The following ZBTB16 variants were observed in gnomAD, a reference collection of about 807,000 sequenced individuals.
The protein encoded by ZBTB16 is zinc finger and BTB domain containing 16.
A neutral mutation model predicts 56.8 loss-of-function variants in ZBTB16; 8 were observed. The ratio of observed to expected loss-of-function variants is 0.14; its 90% CI spans 0.08 to 0.25. ZBTB16 has a LOEUF of 0.25. ZBTB16 is among the 10% of genes least tolerant of loss of function. ZBTB16 has a pLI of 1.00. For synonymous variants in ZBTB16, 363 were observed against 368.5 expected (o/e 0.98, Z 0.17); for missense variants, 625 against 903.0 (o/e 0.69, Z 3.95).
chr11:114,237,819 C>CT (rs1199741669), intron 4 of ZBTB16, among the ~76,000 whole-genome samples: 1 of 152,174 alleles, frequency 6.6e-6, no homozygotes, highest in East Asian at 1.9e-4. Context: ...ATCTCCCCCA[C>CT]TTTTCCATTT....
At chr11:114,246,913 T>A (rs551332265) in intron 5 of ZBTB16, 123 of 481,004 alleles carry the variant, frequency 2.6e-4, no homozygotes, top group South Asian at 2.5e-3. Context: ...ACAAGGGGGC[T>A]TGCTTTCTGG....
At position 114,186,938 on chromosome 11, in the gene ZBTB16, C is replaced by T. The variant is rs748661885; in HGVS notation, c.1367-14C>T. 5 of 1,613,838 alleles carry T rather than the reference C, an allele frequency of 3.1e-6. No homozygotes were observed. The highest frequency in any genetic ancestry group is 3.3e-5 in the Admixed American group (2 of 60,022). ...ACTATTGCTCTAGTGGTAACTGCCTCTCCTTTCTTTCAGCGGGTGCCAAAG... is the reference window on the plus strand; with the variant it reads ...ACTATTGCTCTAGTGGTAACTGCCTTTCCTTTCTTTCAGCGGGTGCCAAAG... On this transcript the variant is annotated splice_polypyrimidine_tract_variant and intron_variant, in intron 3 of 6. Transcript: ENST00000335953.
chr11:114,145,646 G>A (rs997717678), intron 2 of ZBTB16, among the ~76,000 whole-genome samples: 5 of 152,196 alleles, frequency 3.3e-5, no homozygotes, highest in African/African-American at 1.2e-4. Context: ...GTTGAGGGGA[G>A]GAATGGAGAG....
At position 114,225,496 on chromosome 11, in the gene ZBTB16, C is replaced by T. The variant is rs185648381; in HGVS notation, c.1454-16671C>T. 3.5e-3 allele frequency among the ~76,000 whole-genome samples: 535 copies of T among 152,218 alleles called. 7 individuals carry two copies. The highest frequency in any genetic ancestry group is 0.012 in the African/African-American group (515 of 41,512). ...TCAGGGTGCCAGCGTCTTACAAGGG[C>T]CTTCTTGCTGCACCACTCCATGGTG... On this transcript the variant is annotated intron_variant, in intron 4 of 6. Transcript: ENST00000335953.
intron 4 of ZBTB16, among the ~76,000 whole-genome samples, chr11:114,197,892 T>A (rs954708975): frequency 1.3e-5 from 2 of 150,474 alleles, no homozygotes; most frequent in Non-Finnish European, 3.0e-5. Flanking sequence ...CACCAAGGAG[T>A]CCTGTAATGA....
intron 4 of ZBTB16, among the ~76,000 whole-genome samples, chr11:114,203,294 T>C (rs1943776905): frequency 6.6e-6 from 1 of 152,196 alleles, no homozygotes; most frequent in Non-Finnish European, 1.5e-5. Context: ...TGCCACAGGC[T>C]TGGGGAAAAT....
chr11:114,199,632 A>G (rs1943689215), intron 4 of ZBTB16, among the ~76,000 whole-genome samples: 1 of 152,246 alleles, frequency 6.6e-6, no homozygotes, highest in Admixed American at 6.5e-5. Flanking sequence ...CATATGGGAC[A>G]AATGGCTTCG....
chr11:114,139,627 G>GTGTGTGTGTGTC lies in ZBTB16; in HGVS notation c.1269-16699_1269-16698insCTGTGTGTGTGT, dbSNP rs1491583020. 4.2e-4 allele frequency among the ~76,000 whole-genome samples: 12 copies of GTGTGTGTGTGTC among 28,906 alleles called. 1 individual carries two copies. The African/African-American group carries it at 7.9e-3, about 19-fold the overall frequency. 19.0% of individuals were successfully genotyped at this position (28,906 alleles called of 152,430 possible). A position where few individuals can be genotyped will look rare whatever the true frequency, so the allele number is the denominator to read the frequency against. On this transcript the variant is annotated intron_variant, in intron 2 of 6. Transcript: ENST00000335953. ...GTGTGGGTATGTGCCCGCGGTCCAC[G>GTGTGTGTGTGTC]TGTGTGTGTGTGTGTGTGTGTGTGT...
intron 2 of ZBTB16, among the ~76,000 whole-genome samples, chr11:114,094,860 A>T (rs1010519825): frequency 6.6e-6 from 1 of 152,198 alleles, no homozygotes; most frequent in African/African-American, 2.4e-5. Context: ...ATCAGTTCCA[A>T]GTTTCCAAAG....
chr11:114,153,589 C>T (rs2134947888), intron 2 of ZBTB16, among the ~76,000 whole-genome samples: 1 of 152,294 alleles, frequency 6.6e-6, no homozygotes, highest in Non-Finnish European at 1.5e-5. Flanking sequence ...GGAGGAAACT[C>T]AGGCCACTTG....
In ZBTB16 at chr11:114,155,176, C is replaced by T. The variant is rs555260532; in HGVS notation, c.1269-1161C>T. Among the ~76,000 whole-genome samples, 5 of 152,374 alleles carry T rather than the reference C, an allele frequency of 3.3e-5. No individual in the cohort carries two copies. The South Asian group carries it at 1.0e-3, about 32-fold the overall frequency. ...GGCCTTGTTTTCCCTTCTGCCTGCC[C>T]CACCGCCCACAGATCCGGCTTCTGG... On this transcript the variant is annotated intron_variant, in intron 2 of 6. Coordinates refer to ENST00000335953, the MANE Select transcript of ZBTB16 (RefSeq NM_006006.6).
intron 2 of ZBTB16, among the ~76,000 whole-genome samples, chr11:114,139,116 G>A (rs1941877730): frequency 6.6e-6 from 1 of 152,212 alleles, no homozygotes; most frequent in Admixed American, 6.5e-5. Flanking sequence ...GTGATTTTGT[G>A]AGGATTTGTA....
intron 2 of ZBTB16, among the ~76,000 whole-genome samples, chr11:114,148,424 C>CTCTCTCTGTCTGTCTGTCT (rs1565651805): frequency 2.0e-4 from 5 of 24,432 alleles, no homozygotes; most frequent in South Asian, 1.8e-3. Flanking sequence ...TCCCTCCCTC[C>CTCTCTCTGTCTGTCTGTCT]CTCTCTCTCT....
chr11:114,209,036 G>T (rs1330270691), intron 4 of ZBTB16, among the ~76,000 whole-genome samples: 2 of 152,172 alleles, frequency 1.3e-5, no homozygotes, highest in South Asian at 2.1e-4. Context: ...CATTCAATGG[G>T]ATTTGAGAAC....
rs180775106 is a variant in ZBTB16, at chr11:114,185,603, C to T, written c.1367-1349C>T. 3.0e-3 allele frequency among the ~76,000 whole-genome samples: 450 copies of T among 152,246 alleles called. 1 individual carries two copies. Among genetic ancestry groups the T allele is most frequent in the Non-Finnish European group, 4.3e-3 (293 of 68,008 alleles). ...GAACCTGCATCTGTTGAGTAGATTG[C>T]GGGTGGCTGGTGGTGTGGAAACCAC... On this transcript the variant is annotated intron_variant, in intron 3 of 6. Transcript: ENST00000335953.
In ZBTB16 at chr11:114,227,063, CCACCACCAT is replaced by C. The variant is rs565080628; in HGVS notation, c.1454-15095_1454-15087del. 1.1e-4 allele frequency among the ~76,000 whole-genome samples: 17 copies of C among 152,342 alleles called. No individual in the cohort carries two copies. The South Asian group carries it at 2.9e-3, about 26-fold the overall frequency. On this transcript the variant is annotated intron_variant, in intron 4 of 6. Coordinates refer to ENST00000335953, the MANE Select transcript of ZBTB16 (RefSeq NM_006006.6). ...AGCCTATAAATTTACTGTCCCCTGT[CCACCACCAT>C]CACCACCAGCCTGTTGTGGCAGGGA...
At chr11:114,082,116 C>CAAA (rs55670871) in intron 2 of ZBTB16, among the ~76,000 whole-genome samples, 3 of 138,566 alleles carry the variant, frequency 2.2e-5, no homozygotes, top group African/African-American at 5.5e-5. Context: ...ACGATCTTTA[C>CAAA]AAAAAAAAAA....
intron 2 of ZBTB16, among the ~76,000 whole-genome samples, chr11:114,139,182 A>G (rs1282144061): frequency 6.6e-6 from 1 of 152,222 alleles, no homozygotes; most frequent in Non-Finnish European, 1.5e-5. Context: ...TTGCTGGAGC[A>G]TGGAGACCAC....
At chr11:114,204,476 T>A (rs993442689) in intron 4 of ZBTB16, among the ~76,000 whole-genome samples, 1 of 152,176 alleles carries the variant, frequency 6.6e-6, no homozygotes, top group African/African-American at 2.4e-5. Context: ...GCTATGATAT[T>A]CAGTGCATAC....
Sources: gnomAD v4.1 joint callset for allele counts (sites outside exome capture counted in the v4.1 genomes callset) on GRCh38, gnomAD v4.1.1 for gene constraint, MANE v1.5 for transcripts, NCBI Gene and HGNC (gene_info 2026-07-23, HGNC 2026-07-21) for gene names.